The following ENTREP1 variants were observed in gnomAD, a reference collection of about 807,000 sequenced individuals.
ENTREP1 encodes the protein endosomal transmembrane epsin interactor 1, also known as Friedreich ataxia region gene X123.
chr9:69,347,007 T>C, the ENTREP1 span, among the ~76,000 whole-genome samples: 120,530 of 151,780 alleles, frequency 0.79, 47,974 homozygotes, highest in South Asian at 0.87. Context: ...CGTTGTCGGC[T>C]ACACCTGGGG....
chr9:69,360,118 T>G, the ENTREP1 span, among the ~76,000 whole-genome samples: 1 of 152,228 alleles, frequency 6.6e-6, no homozygotes, highest in African/African-American at 2.4e-5. Flanking sequence ...TAAACACACA[T>G]TTATCTCACT....
the ENTREP1 span, among the ~76,000 whole-genome samples, chr9:69,365,905 ATATAT>A: frequency 6.6e-6 from 1 of 152,262 alleles, no homozygotes; most frequent in South Asian, 2.1e-4. Flanking sequence ...TATATATACC[ATATAT>A]TATTTATTCA....
the ENTREP1 span, among the ~76,000 whole-genome samples, chr9:69,379,051 C>T: frequency 6.7e-6 from 1 of 150,368 alleles, no homozygotes; most frequent in African/African-American, 2.5e-5. Context: ...ATCTGTTGAA[C>T]TTTTTGAAAG....
chr9:69,388,597 C>G, the ENTREP1 span: 2 of 624,478 alleles, frequency 3.2e-6, no homozygotes, highest in South Asian at 2.4e-5. Context: ...GGGAGGGAGA[C>G]AGAGGAAGCC....
the ENTREP1 span, among the ~76,000 whole-genome samples, chr9:69,351,289 G>C: frequency 6.6e-6 from 1 of 152,036 alleles, no homozygotes; most frequent in African/African-American, 2.4e-5. Context: ...GTTATGTCTA[G>C]GTGGAGTCTT....
chr9:69,368,975 C>G, the ENTREP1 span, among the ~76,000 whole-genome samples: 2 of 152,094 alleles, frequency 1.3e-5, no homozygotes, highest in Non-Finnish European at 2.9e-5. Flanking sequence ...AATGCTATCC[C>G]TCCCCAGGAC....
chr9:69,327,634 G>GAAAAGAAAAAA, the ENTREP1 span, among the ~76,000 whole-genome samples: 1 of 150,432 alleles, frequency 6.6e-6, no homozygotes, highest in Non-Finnish European at 1.5e-5. Context: ...GAAAAGAAAA[G>GAAAAGAAAAAA]AAAAAAAAAG....
chr9:69,382,294 G>C, the ENTREP1 span: 1 of 152,210 alleles, frequency 6.6e-6, no homozygotes, highest in Admixed American at 6.5e-5. Context: ...TTCTTAAACA[G>C]TTTCAGTGGA....
chr9:69,356,849 G>T, the ENTREP1 span, among the ~76,000 whole-genome samples: 1 of 152,168 alleles, frequency 6.6e-6, no homozygotes, highest in East Asian at 1.9e-4. Context: ...TTCCTAATGA[G>T]AACATGTTAA....
At chr9:69,351,422 T>C in the ENTREP1 span, among the ~76,000 whole-genome samples, 16 of 152,282 alleles carry the variant, frequency 1.1e-4, no homozygotes, top group Non-Finnish European at 2.4e-4. Flanking sequence ...ATGATGATTG[T>C]GATTATTATT....
chr9:69,359,741 T>C, the ENTREP1 span, among the ~76,000 whole-genome samples: 1 of 151,910 alleles, frequency 6.6e-6, no homozygotes, highest in Admixed American at 6.6e-5. Flanking sequence ...GGACTGAGAG[T>C]GGGACAGTGA....
At chr9:69,365,599 A>G in the ENTREP1 span, among the ~76,000 whole-genome samples, 3 of 152,112 alleles carry the variant, frequency 2.0e-5, no homozygotes, top group Admixed American at 2.0e-4. Context: ...TCTGCTTTCA[A>G]ACATTAGAAC....
At chr9:69,356,049 A>G in the ENTREP1 span, among the ~76,000 whole-genome samples, 1 of 152,190 alleles carries the variant, frequency 6.6e-6, no homozygotes, top group Non-Finnish European at 1.5e-5. Flanking sequence ...GCGTGTTCAC[A>G]GTGTTGTGCT....
chr9:69,372,746 C>A, the ENTREP1 span, among the ~76,000 whole-genome samples: 1 of 151,996 alleles, frequency 6.6e-6, no homozygotes, highest in Non-Finnish European at 1.5e-5. Flanking sequence ...TTTGAGGAAA[C>A]TTTGTATGGT....
At chr9:69,360,584 G>A in the ENTREP1 span, among the ~76,000 whole-genome samples, 1 of 152,090 alleles carries the variant, frequency 6.6e-6, no homozygotes, top group South Asian at 2.1e-4. Context: ...TCCTCTTACT[G>A]TTTAAGTCCC....
the ENTREP1 span, among the ~76,000 whole-genome samples, chr9:69,363,726 T>G: frequency 2.0e-5 from 3 of 152,286 alleles, no homozygotes; most frequent in Middle Eastern, 6.8e-3. Flanking sequence ...TCCCTCCCTG[T>G]GGTCTTCTTT....
At chr9:69,352,764 A>C in the ENTREP1 span, among the ~76,000 whole-genome samples, 1 of 152,168 alleles carries the variant, frequency 6.6e-6, no homozygotes, top group South Asian at 2.1e-4. Flanking sequence ...GTGCAGCTTA[A>C]TGGACCATAG....
chr9:69,379,009 G>A, the ENTREP1 span, among the ~76,000 whole-genome samples: 1 of 150,560 alleles, frequency 6.6e-6, no homozygotes, highest in Admixed American at 6.6e-5. Flanking sequence ...TGGATGAAGT[G>A]AACTTAAGCT....
At chr9:69,350,726 A>G in the ENTREP1 span, among the ~76,000 whole-genome samples, 1 of 152,154 alleles carries the variant, frequency 6.6e-6, no homozygotes, top group Non-Finnish European at 1.5e-5. Context: ...CTCTCACTTG[A>G]ATAATAGGCT....
Sources: allele counts gnomAD v4.1 joint callset (sites outside exome capture counted in the v4.1 genomes callset), GRCh38; gene constraint gnomAD v4.1.1; transcripts MANE v1.5; gene names NCBI Gene and HGNC (gene_info 2026-07-23, HGNC 2026-07-21).